Variants in HDHD5 observed in about 807,000 individuals in gnomAD.
The protein encoded by HDHD5 is haloacid dehalogenase-like hydrolase domain-containing 5.
A neutral mutation model predicts 35.5 loss-of-function variants in HDHD5; 34 were observed. That is an observed-to-expected ratio of 0.96 (90% CI 0.73 to 1.28). HDHD5 has a LOEUF of 1.28. Ranked by LOEUF, HDHD5 falls within the 50% of genes most tolerant of loss-of-function variation. The probability of loss-of-function intolerance (pLI) is 0.00; values close to 1 mark genes in which losing one functional copy is unlikely to be tolerated. For missense variants in HDHD5, 589 were observed against 560.2 expected (o/e 1.05, Z -0.52); for synonymous variants, 248 against 240.6 (o/e 1.03, Z -0.29).
chr22:17,164,609 G>A (rs1037274010), intron 1 of HDHD5, among the ~76,000 whole-genome samples: 6 of 152,052 alleles, frequency 3.9e-5, no homozygotes, highest in African/African-American at 1.4e-4. Context: ...CAGCCACCAG[G>A]AAAGAGACAA....
chr22:17,141,119 T>TG lies in HDHD5; in HGVS notation c.685dup (p.His229ProfsTer16). 1 of 1,592,158 alleles carries TG rather than the reference T, an allele frequency of 6.3e-7. No individual in the cohort carries two copies. The highest frequency in any genetic ancestry group is 8.5e-7 in the Non-Finnish European group (1 of 1,171,118). ...CATGTTGCTGGCTAGGACGGGGAGG[T>TG]GGGGGTAGGGGGGTGTTGCCAGGCC... is the stretch of plus-strand genomic sequence containing the variant. On this transcript the variant is annotated frameshift_variant, in exon 6 of 8. Transcript: ENST00000336737. LOFTEE classifies it high-confidence loss of function.
Position 17,138,750 on chromosome 22 carries a change from G to A in HDHD5, c.747-12C>T, listed in dbSNP as rs373425761. 75 of 1,613,918 alleles carry A rather than the reference G, an allele frequency of 4.6e-5. No homozygotes were observed. Among genetic ancestry groups the A allele is most frequent in the African/African-American group, 1.1e-4 (8 of 74,938 alleles). ...TGCCATGTCCAAACCTGCCAGAAAC[G>A]AGCACGCAGCAGTTCAGTCTTCCTG... On this transcript the variant is annotated splice_polypyrimidine_tract_variant and intron_variant, in intron 6 of 7. Transcript: ENST00000336737.
At chr22:17,151,840 G>A (rs1383031863) in intron 1 of HDHD5, among the ~76,000 whole-genome samples, 1 of 151,908 alleles carries the variant, frequency 6.6e-6, no homozygotes, top group Non-Finnish European at 1.5e-5. Context: ...AACCAGCCTA[G>A]AAAGCAAACT....
At position 17,148,529 on chromosome 22, in the gene HDHD5, CTG is replaced by C; in HGVS notation, c.360_361del (p.His120GlnfsTer11). 1.9e-6 allele frequency: 3 copies of C among 1,614,158 alleles called. No individual in the cohort carries two copies. Among genetic ancestry groups the C allele is most frequent in the Non-Finnish European group, 2.5e-6 (3 of 1,180,030 alleles). On this transcript the variant is annotated frameshift_variant, in exon 3 of 8. Transcript: ENST00000336737. LOFTEE classifies it high-confidence loss of function. ...GTACTCGGAGAAGAGCTTCATGGGG[CTG>C]TGAGAGAGGATAACTTGGTCTGCAT... is the stretch of plus-strand genomic sequence containing the variant.
At chr22:17,143,177 C>T (rs1229211037) in intron 4 of HDHD5, 46 bp from the exon 5 acceptor site, 3 of 1,594,274 alleles carry the variant, frequency 1.9e-6, no homozygotes, top group Non-Finnish European at 2.6e-6. Context: ...TCGCCTTCCA[C>T]TCCAGGAGAA....
intron 2 of HDHD5, among the ~76,000 whole-genome samples, 193 bp from the exon 3 acceptor site, chr22:17,148,753 C>T (rs551434425): frequency 6.6e-6 from 1 of 152,196 alleles, no homozygotes; most frequent in Non-Finnish European, 1.5e-5. Context: ...GAACCTGTCT[C>T]ATTTAGTTCT....
intron 1 of HDHD5, among the ~76,000 whole-genome samples, chr22:17,153,836 C>A (rs1237212520): frequency 3.3e-5 from 5 of 152,072 alleles, no homozygotes; most frequent in Admixed American, 6.5e-5. Flanking sequence ...CCCGACCACC[C>A]TATCCCTTTC....
At position 17,159,192 on chromosome 22, in the gene HDHD5, C is replaced by G. The variant is rs898428542; in HGVS notation, c.60G>C (p.Ala20=). ...CCTGGAGCCCCGCAGCCGCGCGCGCCGCCCGCCAGCAAAGCCCACGCGCCG... is the reference window on the plus strand; with the variant it reads ...CCTGGAGCCCCGCAGCCGCGCGCGCGGCCCGCCAGCAAAGCCCACGCGCCG... The part of the protein sequence containing the change: ...LGAARGLCWR[A]ARAAAGLQGR... The change falls in exon 1 of 8, where the codon GCG becomes GCC. Residue 20 remains alanine, a synonymous_variant. Transcript: ENST00000336737. 10 of 1,213,152 alleles carry G rather than the reference C, an allele frequency of 8.2e-6. No individual in the cohort carries two copies. In the African/African-American group the frequency reaches 1.4e-4, roughly 17 times the overall value. The allele number at this position is 1,213,152 out of a possible 1,614,324, so 75.1% of individuals were successfully genotyped here.
At chr22:17,165,037 T>C (rs535347424) in intron 1 of HDHD5, among the ~76,000 whole-genome samples, 1 of 152,312 alleles carries the variant, frequency 6.6e-6, no homozygotes, top group East Asian at 1.9e-4. Flanking sequence ...TCTCCATCTC[T>C]CTCATCACAC....
intron 1 of HDHD5, among the ~76,000 whole-genome samples, chr22:17,164,940 CAG>C (rs1459365870): frequency 6.6e-6 from 1 of 152,174 alleles, no homozygotes; most frequent in African/African-American, 2.4e-5. Context: ...CAACAGGCCA[CAG>C]AGAGATGGGC....
intron 1 of HDHD5, among the ~76,000 whole-genome samples, chr22:17,157,076 T>TCACACACA (rs779244919): frequency 0.067 from 3,746 of 56,036 alleles, 61 homozygotes; most frequent in Non-Finnish European, 0.09. Context: ...AGACACCGTC[T>TCACACACA]CACACACATA....
intron 1 of HDHD5, among the ~76,000 whole-genome samples, chr22:17,151,172 T>C (rs1361779529): frequency 6.6e-6 from 1 of 152,254 alleles, no homozygotes; most frequent in Non-Finnish European, 1.5e-5. Flanking sequence ...ATTATCAAAC[T>C]TTTTTATAAT....
upstream of HDHD5, among the ~76,000 whole-genome samples, chr22:17,160,121 A>G (rs1460961110): frequency 6.6e-6 from 1 of 152,174 alleles, no homozygotes; most frequent in African/African-American, 2.4e-5. Context: ...TCTTTGGCCC[A>G]TTCATAGGTA....
chr22:17,149,833 T>C (rs2123866870), intron 1 of HDHD5, 88 bp from the exon 2 acceptor site: 1 of 1,138,400 alleles, frequency 8.8e-7, no homozygotes. Flanking sequence ...CTCGGGTCAC[T>C]CATGTCCCTT....
chr22:17,165,268 G>T, exon 1 of HDHD5: 1 of 770,922 alleles, frequency 1.3e-6, no homozygotes, highest in South Asian at 1.4e-5. Context: ...CTCCTCTTTA[G>T]GAGCCAGCTG....
chr22:17,138,462 T>C (rs1240911083), intron 7 of HDHD5, 88 bp downstream of exon 7: 29 of 1,538,194 alleles, frequency 1.9e-5, no homozygotes, highest in Admixed American at 1.1e-4. Flanking sequence ...AAGAGTGAAT[T>C]AGATATAGGG....
chr22:17,159,239 C>G lies in HDHD5; in HGVS notation c.13G>C (p.Gly5Arg), dbSNP rs1471955115. 7.8e-7 allele frequency: 1 copy of G among 1,285,032 alleles called. No individual in the cohort carries two copies. The highest frequency in any genetic ancestry group is 9.8e-7 in the Non-Finnish European group (1 of 1,016,520). 79.6% of individuals were successfully genotyped at this position (1,285,032 alleles called of 1,614,324 possible). The change falls in exon 1 of 8, where the codon GGC becomes CGC. Residue 5 changes from glycine (G) to arginine (R), a missense_variant. By Grantham distance (125) the Gly-to-Arg change is moderately radical (BLOSUM62 -2). Coordinates refer to ENST00000336737, the MANE Select transcript of HDHD5 (RefSeq NM_033070.3). Reference sequence around the variant, plus strand: ...GCCGCGCCGAGCGCAGCCACACAGCCCCACGCAGCCATCCGGCCGTCGCCG... The same window carrying G: ...GCCGCGCCGAGCGCAGCCACACAGCGCCACGCAGCCATCCGGCCGTCGCCG... MAAW[G>R]CVAALGAARG... is the part of the protein sequence containing the mutation.
At chr22:17,152,202 G>A (rs771931112) in intron 1 of HDHD5, among the ~76,000 whole-genome samples, 9 of 152,210 alleles carry the variant, frequency 5.9e-5, no homozygotes, top group Non-Finnish European at 1.0e-4. Context: ...GTTTGAAAAT[G>A]GAAAGTGGTA....
chr22:17,158,979 AACG>A, intron 1 of HDHD5, 144 bp downstream of exon 1: 2 of 713,138 alleles, frequency 2.8e-6, no homozygotes, highest in Non-Finnish European at 3.7e-6. Context: ...CTCCAGCAAG[AACG>A]CGATGCACTC....
Sources: allele counts gnomAD v4.1 joint callset (sites outside exome capture counted in the v4.1 genomes callset), GRCh38; gene constraint gnomAD v4.1.1; transcripts MANE v1.5; gene names NCBI Gene and HGNC (gene_info 2026-07-23, HGNC 2026-07-21).